The following DHRSX variants were observed in gnomAD, a reference collection of about 807,000 sequenced individuals.
DHRSX encodes dehydrogenase/reductase X-linked.
In DHRSX, 31 loss-of-function variants were observed where a neutral mutation model predicts 34.0. That is an observed-to-expected ratio of 0.91 (90% confidence interval 0.69 to 1.23). The LOEUF (loss-of-function observed/expected upper bound fraction) is 1.23, where lower values mean the gene tolerates loss of function less well. Among genes scored for constraint, DHRSX ranks in the 50% most tolerant of loss-of-function variants. The pLI is 0.00. For missense variants in DHRSX, 414 were observed against 428.1 expected (o/e 0.97, Z 0.29); for synonymous variants, 201 against 183.8 (o/e 1.09, Z -0.76).
At chrX:2,360,053 T>C (rs1331862317) in intron 3 of DHRSX, among the ~76,000 whole-genome samples, 1 of 152,124 alleles carries the variant, frequency 6.6e-6, no homozygotes, top group Non-Finnish European at 1.5e-5. Flanking sequence ...TGCACCTGTA[T>C]CCCTGAACTT....
In DHRSX at chrX:2,246,706, G is replaced by GAAAGAA. The variant is rs1435900895; in HGVS notation, c.597-3477_597-3476insTTCTTT. On this transcript the variant is annotated intron_variant, in intron 5 of 6. Transcript: ENST00000334651. ...AGAAAAAGAAAAGAAAAGAAAGAAAGAGAAAGAAAGAAAGAAAGAAAGAAA... is the reference window on the plus strand; with the variant it reads ...AGAAAAAGAAAAGAAAAGAAAGAAAGAAAGAAAGAAAGAAAGAAAGAAAGAAAGAAA... 4.4e-3 allele frequency among the ~76,000 whole-genome samples: 475 copies of GAAAGAA among 107,492 alleles called. 2 individuals carry two copies. The highest frequency in any genetic ancestry group is 0.014 in the African/African-American group (421 of 29,608). 70.5% of individuals were successfully genotyped at this position (107,492 alleles called of 152,430 possible). A position where few individuals can be genotyped will look rare whatever the true frequency, so the allele number is the denominator to read the frequency against.
intron 2 of DHRSX, among the ~76,000 whole-genome samples, chrX:2,420,619 T>G (rs1007484222): frequency 9.3e-5 from 14 of 150,784 alleles, no homozygotes; most frequent in African/African-American, 3.4e-4. Context: ...GGTGTGCTCC[T>G]GTAGTCCCAG....
chrX:2,224,540 T>C (rs1235954392), intron 6 of DHRSX, among the ~76,000 whole-genome samples: 1 of 152,188 alleles, frequency 6.6e-6, no homozygotes, highest in Non-Finnish European at 1.5e-5. Context: ...AATGTAGGTA[T>C]TTCTGGGGAC....
chrX:2,304,122 T>TGGATG (rs2042062567), intron 3 of DHRSX, among the ~76,000 whole-genome samples: 5 of 57,564 alleles, frequency 8.7e-5, no homozygotes, highest in Non-Finnish European at 1.7e-4. Context: ...GATGGATGGA[T>TGGATG]AAATGGATGG....
At chrX:2,225,871 A>T (rs1225302730) in intron 6 of DHRSX, among the ~76,000 whole-genome samples, 1 of 151,816 alleles carries the variant, frequency 6.6e-6, no homozygotes, top group Non-Finnish European at 1.5e-5. Context: ...TAAGCCACCC[A>T]GTCTATGGTA....
intron 1 of DHRSX, among the ~76,000 whole-genome samples, chrX:2,452,565 T>A (rs1160557907): frequency 6.6e-6 from 1 of 151,918 alleles, no homozygotes; most frequent in African/African-American, 2.4e-5. Context: ...GACCACCATG[T>A]ACACACTGAA....
intron 3 of DHRSX, among the ~76,000 whole-genome samples, chrX:2,309,298 TG>T (rs1327459576): frequency 6.6e-6 from 1 of 152,120 alleles, no homozygotes; most frequent in Non-Finnish European, 1.5e-5. Context: ...TGAGGTGGTT[TG>T]TTTTGTGAAA....
At chrX:2,491,066 GT>G (rs900738620) in intron 1 of DHRSX, among the ~76,000 whole-genome samples, 51 of 110,256 alleles carry the variant, frequency 4.6e-4, no homozygotes, top group African/African-American at 9.7e-4. Flanking sequence ...AGTGCCTTTA[GT>G]TTTTTTTTTT....
intron 1 of DHRSX, among the ~76,000 whole-genome samples, chrX:2,472,075 C>T: frequency 6.8e-6 from 1 of 147,976 alleles, no homozygotes; most frequent in African/African-American, 2.5e-5. Context: ...AACCCGGGAG[C>T]TGGTGGTAGC....
intron 4 of DHRSX, among the ~76,000 whole-genome samples, chrX:2,287,157 G>GCGAA (rs2041813548): frequency 6.6e-6 from 1 of 152,182 alleles, no homozygotes; most frequent in Non-Finnish European, 1.5e-5. Flanking sequence ...AGTATGTGAA[G>GCGAA]GGCAGAGTAG....
intron 4 of DHRSX, among the ~76,000 whole-genome samples, chrX:2,285,555 T>C (rs2041794463): frequency 1.3e-5 from 2 of 152,082 alleles, no homozygotes; most frequent in African/African-American, 4.8e-5. Context: ...GATGAAGCTT[T>C]GCTTGTTCAC....
intron 1 of DHRSX, among the ~76,000 whole-genome samples, chrX:2,453,401 G>C (rs759951819): frequency 9.2e-5 from 14 of 152,080 alleles, no homozygotes; most frequent in African/African-American, 3.4e-4. Context: ...GCTGGGTATG[G>C]TGGCATGCAC....
intron 3 of DHRSX, among the ~76,000 whole-genome samples, chrX:2,319,768 T>C (rs2042285907): frequency 6.6e-6 from 1 of 151,920 alleles, no homozygotes; most frequent in South Asian, 2.1e-4. Flanking sequence ...AACCTATACA[T>C]AGATTTTCAA....
chrX:2,487,016 T>C (rs1442746004), intron 1 of DHRSX: 1 of 152,192 alleles, frequency 6.6e-6, no homozygotes, highest in African/African-American at 2.4e-5. Context: ...CCAGCCCAGC[T>C]TGTCTTCACG....
At chrX:2,487,287 G>T (rs1944933005) in intron 1 of DHRSX, 1 of 152,206 alleles carries the variant, frequency 6.6e-6, no homozygotes. Context: ...CACCTTATGT[G>T]GAAAAGCTGG....
chrX:2,390,465 T>G (rs1293307916), intron 3 of DHRSX, among the ~76,000 whole-genome samples: 5 of 152,174 alleles, frequency 3.3e-5, no homozygotes, highest in African/African-American at 1.2e-4. Flanking sequence ...AATTTTGAAT[T>G]GTGGAAAAAT....
intron 4 of DHRSX, among the ~76,000 whole-genome samples, chrX:2,289,549 G>T (rs1471466602): frequency 6.6e-6 from 1 of 152,198 alleles, no homozygotes; most frequent in Admixed American, 6.5e-5. Flanking sequence ...ACCATGTCAT[G>T]TATGTATTTC....
Position 2,367,933 on chromosome X carries a change from G to C in DHRSX, c.286+40812C>G, listed in dbSNP as rs187508865. Among the ~76,000 whole-genome samples the C allele has an allele frequency of 3.2e-4, 48 of 152,022 alleles. No homozygotes were observed. The East Asian group carries it at 9.1e-3, about 29-fold the overall frequency. The stretch of plus-strand genomic sequence containing the variant: ...TAAATGGTTGTATTCAAATGCTTAC[G>C]GGTATTTACTCATTAAGAATATTTT... On this transcript the variant is annotated intron_variant, in intron 3 of 6. Transcript: ENST00000334651.
intron 1 of DHRSX, among the ~76,000 whole-genome samples, chrX:2,436,497 T>C (rs866558169): frequency 6.8e-5 from 9 of 132,144 alleles, no homozygotes; most frequent in African/African-American, 1.5e-4. Flanking sequence ...ATTATTATTA[T>C]TACTACTACT....
Sources: allele counts gnomAD v4.1 joint callset (sites outside exome capture counted in the v4.1 genomes callset), GRCh38; gene constraint gnomAD v4.1.1; transcripts MANE v1.5; gene names NCBI Gene and HGNC (gene_info 2026-07-23, HGNC 2026-07-21).